ADAM22: variants seen among roughly 807,000 people sequenced by gnomAD.
ADAM22 encodes ADAM metallopeptidase domain 22, also known as disintegrin and metalloproteinase domain-containing protein 22.
Under a neutral mutation model 144.6 loss-of-function variants are expected in ADAM22, and 65 were observed. That is an observed-to-expected ratio of 0.45 (90% CI 0.37 to 0.55). The LOEUF (loss-of-function observed/expected upper bound fraction) is 0.55, where lower values mean the gene tolerates loss of function less well. Among genes scored for constraint, ADAM22 ranks in the 20% least tolerant of loss-of-function variants. The pLI is 0.00. For missense variants in ADAM22, 974 were observed against 1,184.9 expected (o/e 0.82, Z 2.61); for synonymous variants, 391 against 412.6 (o/e 0.95, Z 0.63).
At chr7:88,053,058 C>T (rs1034001077) in intron 3 of ADAM22, among the ~76,000 whole-genome samples, 1 of 151,934 alleles carries the variant, frequency 6.6e-6, no homozygotes, top group Non-Finnish European at 1.5e-5. Flanking sequence ...TATCCAGTTC[C>T]CCCTTTGAGC....
At chr7:88,092,544 C>A (rs1293381861) in intron 4 of ADAM22, among the ~76,000 whole-genome samples, 4 of 152,200 alleles carry the variant, frequency 2.6e-5, no homozygotes, top group South Asian at 2.1e-4. Context: ...GCATTTCCCC[C>A]CTGGCAGGCT....
At chr7:88,103,444 T>G in intron 4 of ADAM22, among the ~76,000 whole-genome samples, 1 of 152,118 alleles carries the variant, frequency 6.6e-6, no homozygotes, top group East Asian at 1.9e-4. Flanking sequence ...TTACAATAAA[T>G]TTTTCTCCCA....
intron 3 of ADAM22, among the ~76,000 whole-genome samples, chr7:87,980,774 G>A (rs551599997): frequency 8.1e-4 from 123 of 152,222 alleles, no homozygotes; most frequent in Admixed American, 1.8e-3. Flanking sequence ...AAAATGAAAA[G>A]CACAGCCAGT....
intron 2 of ADAM22, among the ~76,000 whole-genome samples, chr7:87,978,090 C>A (rs1218197578): frequency 6.6e-6 from 1 of 152,150 alleles, no homozygotes; most frequent in East Asian, 1.9e-4. Context: ...AAATGCTTAA[C>A]CACTTGAGGT....
intron 3 of ADAM22, among the ~76,000 whole-genome samples, chr7:88,019,642 G>C (rs1484545128): frequency 1.3e-5 from 2 of 152,194 alleles, no homozygotes; most frequent in Non-Finnish European, 2.9e-5. Flanking sequence ...GAGGTCAGGA[G>C]TTTGAGACCA....
At chr7:88,012,028 G>GTTTTTTT (rs1563020133) in intron 3 of ADAM22, among the ~76,000 whole-genome samples, 1 of 114,482 alleles carries the variant, frequency 8.7e-6, no homozygotes, top group Non-Finnish European at 1.8e-5. Context: ...ATTGTGTTCT[G>GTTTTTTT]TTTTTTTTTC....
chr7:87,982,779 C>G (rs539407956), intron 3 of ADAM22, among the ~76,000 whole-genome samples: 25 of 147,220 alleles, frequency 1.7e-4, no homozygotes, highest in Admixed American at 1.3e-3. Flanking sequence ...ACCACAATCT[C>G]TGCCTCCTGG....
Position 88,193,124 on chromosome 7 carries a change from C to G in ADAM22, c.2759C>G (p.Ser920Cys). Residue 920 changes from serine (S) to cysteine (C), a missense_variant, in exon 31 of 32, where the codon TCT becomes TGT. Ser to Cys is a moderately radical substitution (Grantham distance 112). Coordinates refer to ENST00000413139, the MANE Select transcript of ADAM22 (RefSeq NM_001324418.2). ...TGTTCTCAACATCTCAGGACTTTAT[C>G]TCCTGCCAAGTCTCCTTCTTCATCA... ...NTEGPYFRTL[S>C]PAKSPSSSTG... 1.2e-6 allele frequency: 2 copies of G among 1,613,986 alleles called. No individual in the cohort carries two copies. The highest frequency in any genetic ancestry group is 1.7e-6 in the Non-Finnish European group (2 of 1,179,918).
At chr7:87,972,665 G>C (rs534372005) in intron 2 of ADAM22, among the ~76,000 whole-genome samples, 1 of 152,122 alleles carries the variant, frequency 6.6e-6, no homozygotes, top group Non-Finnish European at 1.5e-5. Context: ...GAGGCATCAC[G>C]CTACCTGACT....
At chr7:88,001,272 C>T (rs1201456266) in intron 3 of ADAM22, among the ~76,000 whole-genome samples, 4 of 152,100 alleles carry the variant, frequency 2.6e-5, no homozygotes, top group South Asian at 2.1e-4. Flanking sequence ...CAATTCTAAA[C>T]GTGAAATTCA....
intron 3 of ADAM22, among the ~76,000 whole-genome samples, chr7:88,012,028 G>GT (rs1563020133): frequency 1.7e-5 from 2 of 114,500 alleles, no homozygotes; most frequent in South Asian, 6.8e-4. Context: ...ATTGTGTTCT[G>GT]TTTTTTTTTC....
At chr7:88,043,695 G>A (rs1803760417) in intron 3 of ADAM22, among the ~76,000 whole-genome samples, 1 of 151,510 alleles carries the variant, frequency 6.6e-6, no homozygotes, top group African/African-American at 2.4e-5. Flanking sequence ...TGGATAGTGA[G>A]ACTCCATCTC....
rs1265122009 is a variant in ADAM22 at position 88,202,372 on chromosome 7, A to G, written c.*5881A>G. 6.6e-6 allele frequency: 1 copy of G among 152,148 alleles called. No homozygotes were observed. Among genetic ancestry groups the G allele is most frequent in the Non-Finnish European group, 1.5e-5 (1 of 68,028 alleles). The allele number at this position is 152,148 out of a possible 1,614,324, so 9.4% of individuals were successfully genotyped here. ...CTTTCAGAAACGGGGTGTTTTACCT[A>G]AACATAGTAGCTTACATGTTAGCCA... is the stretch of plus-strand genomic sequence containing the variant. On this transcript the variant is annotated 3_prime_UTR_variant, in exon 32 of 32. Coordinates refer to ENST00000413139, the MANE Select transcript of ADAM22 (RefSeq NM_001324418.2).
At chr7:88,018,249 G>C (rs1391648617) in intron 3 of ADAM22, among the ~76,000 whole-genome samples, 1 of 152,090 alleles carries the variant, frequency 6.6e-6, no homozygotes, top group Non-Finnish European at 1.5e-5. Flanking sequence ...AAAATAAAAG[G>C]TCCAGATGTA....
intron 3 of ADAM22, among the ~76,000 whole-genome samples, chr7:88,051,510 A>G (rs57861028): frequency 1.4e-5 from 2 of 145,118 alleles, no homozygotes; most frequent in East Asian, 2.3e-4. Flanking sequence ...ATGAGAACAT[A>G]TGGACACAGG....
At chr7:88,154,950 T>A (rs1378848896) in intron 21 of ADAM22, among the ~76,000 whole-genome samples, 1 of 152,162 alleles carries the variant, frequency 6.6e-6, no homozygotes, top group Admixed American at 6.5e-5. Context: ...TAAAAATATG[T>A]TTATTGTTAT....
chr7:88,162,888 C>T, intron 22 of ADAM22, 124 bp from the exon 23 acceptor site: 1 of 931,876 alleles, frequency 1.1e-6, no homozygotes, highest in South Asian at 1.6e-5. Context: ...GCTTATGCTA[C>T]TGGTCTTTAA....
intron 3 of ADAM22, among the ~76,000 whole-genome samples, chr7:88,012,558 G>T (rs1054604592): frequency 6.6e-6 from 1 of 152,134 alleles, no homozygotes; most frequent in Admixed American, 6.5e-5. Context: ...TAATGTTCTT[G>T]TTTTAATTTT....
intron 3 of ADAM22, among the ~76,000 whole-genome samples, chr7:88,016,490 T>TA (rs1307401320): frequency 1.3e-5 from 2 of 152,224 alleles, no homozygotes; most frequent in African/African-American, 4.8e-5. Context: ...ATTTTTGAAT[T>TA]AGAATTATTA....
Sources: allele counts gnomAD v4.1 joint callset (sites outside exome capture counted in the v4.1 genomes callset), GRCh38; gene constraint gnomAD v4.1.1; transcripts MANE v1.5; gene names NCBI Gene and HGNC (gene_info 2026-07-23, HGNC 2026-07-21).